Variants in PLD5 observed in about 807,000 individuals in gnomAD.
The protein encoded by PLD5 is inactive phospholipase D5.
Under a neutral mutation model 61.1 loss-of-function variants are expected in PLD5, and 36 were observed. The observed-to-expected ratio is 0.59, with a 90% CI of 0.45 to 0.78. PLD5 has a LOEUF of 0.78. Among genes scored for constraint, PLD5 ranks in the 30% least tolerant of loss-of-function variants. The pLI, the probability that PLD5 is intolerant of heterozygous loss-of-function variation, is 0.00. For missense variants in PLD5, 515 were observed against 644.4 expected, an observed-to-expected ratio of 0.80 and a Z score of 2.17; for synonymous variants, 243 against 242.8, an observed-to-expected ratio of 1.00 and a Z score of -0.01.
At chr1:242,260,767 T>C (rs977284307) in intron 4 of PLD5, among the ~76,000 whole-genome samples, 1 of 152,118 alleles carries the variant, frequency 6.6e-6, no homozygotes. Context: ...TCTCCAAACG[T>C]TTGAAAATTA....
At chr1:242,411,691 C>T (rs936152607) in intron 1 of PLD5, among the ~76,000 whole-genome samples, 3 of 152,252 alleles carry the variant, frequency 2.0e-5, no homozygotes, top group South Asian at 4.1e-4. Context: ...TAATTGTATT[C>T]ACATGCAGTT....
At chr1:242,132,961 C>A (rs1013001630) in intron 5 of PLD5, among the ~76,000 whole-genome samples, 2 of 152,074 alleles carry the variant, frequency 1.3e-5, no homozygotes, top group Non-Finnish European at 2.9e-5. Context: ...CCACTCCACA[C>A]CCAAGTAACA....
At chr1:242,479,122 A>G (rs1251733487) in intron 1 of PLD5, among the ~76,000 whole-genome samples, 1 of 152,208 alleles carries the variant, frequency 6.6e-6, no homozygotes, top group Non-Finnish European at 1.5e-5. Context: ...TCCTGTTGTA[A>G]ACAGTTAGGA....
chr1:242,286,389 G>A (rs1675025601), intron 3 of PLD5, among the ~76,000 whole-genome samples: 1 of 152,116 alleles, frequency 6.6e-6, no homozygotes, highest in Non-Finnish European at 1.5e-5. Context: ...AGGGATCGCT[G>A]ACCTGTCTCT....
At chr1:242,231,597 CAT>C (rs915950472) in intron 4 of PLD5, among the ~76,000 whole-genome samples, 2 of 152,144 alleles carry the variant, frequency 1.3e-5, no homozygotes, top group Non-Finnish European at 2.9e-5. Context: ...CTAGAGAAAA[CAT>C]ATGGCTACCA....
upstream of PLD5, among the ~76,000 whole-genome samples, chr1:242,525,242 C>T (rs1464379578): frequency 7.0e-6 from 1 of 141,988 alleles, no homozygotes; most frequent in Non-Finnish European, 1.5e-5. Context: ...CGCCCGGGGG[C>T]AGTAGCCCCT....
rs867860502 is a variant in PLD5, at chr1:242,393,275, T to C, written c.190-45033A>G. 1.4e-3 allele frequency among the ~76,000 whole-genome samples: 83 copies of C among 58,144 alleles called. 20 individuals are homozygous for C. Among genetic ancestry groups the C allele is most frequent in the Middle Eastern group, 9.4e-3 (1 of 106 alleles). The allele number at this position is 58,144 out of a possible 152,430, so 38.1% of individuals were successfully genotyped here. On this transcript the variant is annotated intron_variant, in intron 1 of 9. Transcript: ENST00000536534. ...GTATATATATGTGTATATATATGAG[T>C]ATATATATGTGTATATATATGAGTA...
At chr1:242,212,174 G>A (rs1297795549) in intron 5 of PLD5, among the ~76,000 whole-genome samples, 1 of 152,064 alleles carries the variant, frequency 6.6e-6, no homozygotes, top group Non-Finnish European at 1.5e-5. Context: ...GATATCACCA[G>A]GCCAAAATAA....
In PLD5 at chr1:242,376,276, G is replaced by A. The variant is rs1661948899; in HGVS notation, c.190-28034C>T. 3.3e-5 allele frequency among the ~76,000 whole-genome samples: 5 copies of A among 152,170 alleles called. No homozygotes were observed. In the South Asian group the frequency reaches 1.0e-3, roughly 32 times the overall value. On this transcript the variant is annotated intron_variant, in intron 1 of 9. Coordinates refer to ENST00000536534, the MANE Select transcript of PLD5 (RefSeq NM_001372062.1). ...ATTCCTGGCTTCAGTTTTTATCCAC[G>A]GCTGGGAAACGAGCAACCTGCAAGA...
At chr1:242,449,812 A>T (rs944026042) in intron 1 of PLD5, among the ~76,000 whole-genome samples, 5 of 152,190 alleles carry the variant, frequency 3.3e-5, no homozygotes, top group Non-Finnish European at 7.3e-5. Flanking sequence ...TGCAATTCCA[A>T]TCAGAGTAAA....
intron 1 of PLD5, among the ~76,000 whole-genome samples, chr1:242,423,962 C>A (rs1665282991): frequency 6.6e-6 from 1 of 151,212 alleles, no homozygotes; most frequent in Non-Finnish European, 1.5e-5. Flanking sequence ...CCTATTCCTT[C>A]CTCAGATGAA....
At chr1:242,186,015 G>A (rs896863028) in intron 5 of PLD5, among the ~76,000 whole-genome samples, 1 of 152,022 alleles carries the variant, frequency 6.6e-6, no homozygotes, top group African/African-American at 2.4e-5. Context: ...CCAGAGTGTG[G>A]AGGAAAAGTG....
chr1:242,306,740 A>AAC (rs34083497), intron 2 of PLD5, among the ~76,000 whole-genome samples: 14 of 141,118 alleles, frequency 9.9e-5, no homozygotes, highest in Admixed American at 1.4e-4. Flanking sequence ...AATTTATTAA[A>AAC]ACACACACAC....
intron 1 of PLD5, among the ~76,000 whole-genome samples, chr1:242,399,668 C>T (rs1484889001): frequency 6.6e-6 from 1 of 151,930 alleles, no homozygotes; most frequent in East Asian, 1.9e-4. Flanking sequence ...TTGATTATAT[C>T]GGGGGTCCCC....
chr1:242,242,906 G>A (rs754426946), intron 4 of PLD5, among the ~76,000 whole-genome samples: 2 of 152,134 alleles, frequency 1.3e-5, no homozygotes, highest in South Asian at 2.1e-4. Flanking sequence ...TCCACCTCCC[G>A]GTGATTACAG....
At chr1:242,191,453 G>T (rs1668280228) in intron 5 of PLD5, among the ~76,000 whole-genome samples, 1 of 152,072 alleles carries the variant, frequency 6.6e-6, no homozygotes, top group Non-Finnish European at 1.5e-5. Context: ...AGGTGTGGTG[G>T]TGCATGCCTG....
At chr1:242,432,525 G>A (rs565179507) in intron 1 of PLD5, among the ~76,000 whole-genome samples, 45 of 152,282 alleles carry the variant, frequency 3.0e-4, no homozygotes, top group East Asian at 5.8e-4. Context: ...GAAATCTGTC[G>A]TCTAAAGCTG....
chr1:242,221,842 C>T (rs1029896757), intron 4 of PLD5, among the ~76,000 whole-genome samples: 6 of 152,176 alleles, frequency 3.9e-5, no homozygotes, highest in African/African-American at 7.2e-5. Context: ...GACAGTGTTC[C>T]TCAGTAGATA....
At chr1:242,277,369 C>T (rs1335836689) in intron 3 of PLD5, among the ~76,000 whole-genome samples, 1 of 151,556 alleles carries the variant, frequency 6.6e-6, no homozygotes, top group East Asian at 1.9e-4. Flanking sequence ...AGGGAAAAGC[C>T]ATGAGAACTT....
Sources: allele counts gnomAD v4.1 joint callset (sites outside exome capture counted in the v4.1 genomes callset), GRCh38; gene constraint gnomAD v4.1.1; transcripts MANE v1.5; gene names NCBI Gene and HGNC (gene_info 2026-07-23, HGNC 2026-07-21).